The following LIPC variants were observed in gnomAD, a reference collection of about 807,000 sequenced individuals.
LIPC encodes hepatic triacylglycerol lipase.
In LIPC, 44 loss-of-function variants were observed where a neutral mutation model predicts 50.7. That is an observed-to-expected ratio of 0.87 (90% CI 0.68 to 1.11). The LOEUF (loss-of-function observed/expected upper bound fraction) is 1.11. Ranked by LOEUF, LIPC falls within the 50% of genes most tolerant of loss-of-function variation. LIPC has a pLI of 0.00. For missense variants in LIPC, 697 were observed against 648.2 expected (o/e 1.08, Z -0.82); for synonymous variants, 271 against 256.4 (o/e 1.06, Z -0.54).
At chr15:58,440,185 G>C (rs1195278263) in intron 1 of LIPC, among the ~76,000 whole-genome samples, 3 of 152,226 alleles carry the variant, frequency 2.0e-5, no homozygotes, top group Non-Finnish European at 4.4e-5. Flanking sequence ...AGCATTACTT[G>C]TAATTGGTAG....
chr15:58,496,585 TA>T (rs1422124442), intron 1 of LIPC, among the ~76,000 whole-genome samples: 5 of 152,092 alleles, frequency 3.3e-5, no homozygotes, highest in Non-Finnish European at 7.4e-5. Context: ...CCTCTGTTCA[TA>T]AAACAGAAGA....
chr15:58,566,321 G>A lies in LIPC; in HGVS notation c.1389-2395G>A, dbSNP rs1486604724. 3.0e-6 allele frequency: 3 copies of A among 985,360 alleles called. No individual in the cohort carries two copies. The African/African-American group carries it at 5.2e-5, about 17-fold the overall frequency. The allele number at this position is 985,360 out of a possible 1,614,324, so 61.0% of individuals were successfully genotyped here. A position where few individuals can be genotyped will look rare whatever the true frequency, so the allele number is the denominator to read the frequency against. ...AGCCGGCAAAGCAATATGGCTGGCA[G>A]GATCGGATGGACTCCAGTGTCAGCC... is the stretch of plus-strand genomic sequence containing the variant. On this transcript the variant is annotated intron_variant, in intron 8 of 8. Transcript: ENST00000299022.
At chr15:58,565,913 CAAAA>C (rs55871337) in intron 8 of LIPC, 3 of 944,170 alleles carry the variant, frequency 3.2e-6, no homozygotes, top group Non-Finnish European at 3.7e-6. Flanking sequence ...TCGGAGAATA[CAAAA>C]AAAAAAAAAA....
intron 1 of LIPC, among the ~76,000 whole-genome samples, chr15:58,491,256 T>G (rs1891577513): frequency 6.6e-6 from 1 of 152,100 alleles, no homozygotes; most frequent in Non-Finnish European, 1.5e-5. Context: ...GGGAAATAGT[T>G]AGTCCAGCCA....
In LIPC at chr15:58,470,032, A is replaced by G. The variant is rs1894733358; in HGVS notation, c.88+37912A>G. 2.0e-5 allele frequency among the ~76,000 whole-genome samples: 3 copies of G among 150,982 alleles called. No individual in the cohort carries two copies. The South Asian group carries it at 6.3e-4, about 32-fold the overall frequency. Reference sequence around the variant, plus strand: ...ACTGCAGTCTTGACCTCCCAGGCTCAAGGGATCTTCCCACCTCAGACTCCT... The same window carrying G: ...ACTGCAGTCTTGACCTCCCAGGCTCGAGGGATCTTCCCACCTCAGACTCCT... On this transcript the variant is annotated intron_variant, in intron 1 of 8. Transcript: ENST00000299022.
chr15:58,509,280 C>CCAGTGG (rs1465467745), intron 1 of LIPC, among the ~76,000 whole-genome samples: 8 of 152,172 alleles, frequency 5.3e-5, no homozygotes, highest in Non-Finnish European at 1.0e-4. Flanking sequence ...AGGGCTGGCC[C>CCAGTGG]CAGTCTTCCT....
At chr15:58,565,427 T>C in intron 8 of LIPC, 1 of 1,430,424 alleles carries the variant, frequency 7.0e-7, no homozygotes. Flanking sequence ...ACCCATGTGG[T>C]ACGGAAGAAG....
At chr15:58,529,180 A>G (rs1892875553) in intron 1 of LIPC, among the ~76,000 whole-genome samples, 1 of 152,256 alleles carries the variant, frequency 6.6e-6, no homozygotes, top group African/African-American at 2.4e-5. Flanking sequence ...GAACAAGAAC[A>G]CAATGGGATT....
At chr15:58,551,745 C>T (rs576052701) in intron 6 of LIPC, among the ~76,000 whole-genome samples, 8 of 152,306 alleles carry the variant, frequency 5.3e-5, no homozygotes, top group Admixed American at 5.2e-4. Flanking sequence ...CCACAATCCC[C>T]ATTTTTCAAA....
At chr15:58,544,556 C>T (rs1311257903) in intron 4 of LIPC, among the ~76,000 whole-genome samples, 3 of 151,938 alleles carry the variant, frequency 2.0e-5, no homozygotes, top group Non-Finnish European at 2.9e-5. Context: ...CCACCACGCC[C>T]GGCTAATTTT....
At chr15:58,462,906 T>C (rs1413599004) in intron 1 of LIPC, among the ~76,000 whole-genome samples, 1 of 152,218 alleles carries the variant, frequency 6.6e-6, no homozygotes, top group Non-Finnish European at 1.5e-5. Flanking sequence ...TTGGCGGAGT[T>C]ATTCTTGGTG....
At chr15:58,540,674 C>T (rs1893289352) in intron 2 of LIPC, among the ~76,000 whole-genome samples, 3 of 152,180 alleles carry the variant, frequency 2.0e-5, no homozygotes, top group African/African-American at 4.8e-5. Context: ...CACCAACTTT[C>T]CTCCTCTCCC....
chr15:58,560,725 C>CA lies in LIPC; in HGVS notation c.1052-132dup, dbSNP rs1345869594. On this transcript the variant is annotated intron_variant, in intron 6 of 8. Coordinates refer to ENST00000299022, the MANE Select transcript of LIPC (RefSeq NM_000236.3). ...AAGAAGATAAACCACCATTTAGGAG[C>CA]AAAAAAATGTTGTTAACATATTAAT... 3.8e-5 allele frequency: 23 copies of CA among 610,198 alleles called. 1 individual carries two copies. Among genetic ancestry groups the CA allele is most frequent in the South Asian group, 7.8e-5 (4 of 51,048 alleles). 37.8% of individuals were successfully genotyped at this position (610,198 alleles called of 1,614,324 possible). A position where few individuals can be genotyped will look rare whatever the true frequency, so the allele number is the denominator to read the frequency against.
In LIPC at chr15:58,567,943, T is replaced by G. The variant is rs952363963; in HGVS notation, c.1389-773T>G. ...TACCATTTGAATTTTCAAGAATGCA[T>G]TCACAAATTACTCATAGCATTTTTA... is the stretch of plus-strand genomic sequence containing the variant. On this transcript the variant is annotated intron_variant, in intron 8 of 8. Coordinates refer to ENST00000299022, the MANE Select transcript of LIPC (RefSeq NM_000236.3). 2.0e-5 allele frequency among the ~76,000 whole-genome samples: 3 copies of G among 152,320 alleles called. No homozygotes were observed. In the East Asian group the frequency reaches 5.8e-4, roughly 29 times the overall value.
chr15:58,568,868 C>A lies in LIPC; in HGVS notation c.*41C>A, dbSNP rs767816721. ...CAGTGTAAAGAATAAATGAATCTTACTCCTTATCTGGAATGGCTGCCTTAT... is the reference window on the plus strand; with the variant it reads ...CAGTGTAAAGAATAAATGAATCTTAATCCTTATCTGGAATGGCTGCCTTAT... On this transcript the variant is annotated 3_prime_UTR_variant, in exon 9 of 9. Coordinates refer to ENST00000299022, the MANE Select transcript of LIPC (RefSeq NM_000236.3). 8.5e-7 allele frequency: 1 copy of A among 1,180,624 alleles called. No individual in the cohort carries two copies. Among genetic ancestry groups the A allele is most frequent in the Non-Finnish European group, 1.2e-6 (1 of 812,976 alleles). 73.1% of individuals were successfully genotyped at this position (1,180,624 alleles called of 1,614,324 possible). A position where few individuals can be genotyped will look rare whatever the true frequency, so the allele number is the denominator to read the frequency against.
At chr15:58,500,516 G>A (rs1891946412) in intron 1 of LIPC, among the ~76,000 whole-genome samples, 1 of 152,132 alleles carries the variant, frequency 6.6e-6, no homozygotes. Flanking sequence ...TGAAACACAT[G>A]CTTCAGACAG....
chr15:58,547,694 G>A (rs1421426567), intron 5 of LIPC, among the ~76,000 whole-genome samples: 1 of 151,878 alleles, frequency 6.6e-6, no homozygotes, highest in Non-Finnish European at 1.5e-5. Context: ...TTTTGGGGGT[G>A]AGGCCTGTCC....
chr15:58,559,124 T>C (rs1391166733), intron 6 of LIPC, among the ~76,000 whole-genome samples: 1 of 152,142 alleles, frequency 6.6e-6, no homozygotes, highest in East Asian at 1.9e-4. Context: ...TAGGAGTTAG[T>C]AGATTGATTG....
chr15:58,513,443 T>C (rs895643604), intron 1 of LIPC, among the ~76,000 whole-genome samples: 1 of 152,134 alleles, frequency 6.6e-6, no homozygotes, highest in Non-Finnish European at 1.5e-5. Flanking sequence ...TTCTCAACAA[T>C]CTTCAAAGCA....
Sources: gnomAD v4.1 joint callset for allele counts (sites outside exome capture counted in the v4.1 genomes callset) on GRCh38, gnomAD v4.1.1 for gene constraint, MANE v1.5 for transcripts, NCBI Gene and HGNC (gene_info 2026-07-23, HGNC 2026-07-21) for gene names.